The following BACE2 variants were observed in gnomAD, a reference collection of about 807,000 sequenced individuals.
The protein encoded by BACE2 is 56 kDa aspartic-like protease.
Under a neutral mutation model 46.2 loss-of-function variants are expected in BACE2, and 17 were observed. The observed-to-expected ratio is 0.37, with a 90% CI of 0.25 to 0.55. BACE2 has a LOEUF of 0.55. Ranked by LOEUF, BACE2 falls within the 20% of genes least tolerant of loss-of-function variation. The pLI, the probability that BACE2 is intolerant of heterozygous loss-of-function variation, is 0.82. For missense variants in BACE2, 595 were observed against 698.1 expected, an observed-to-expected ratio of 0.85 and a Z score of 1.66; for synonymous variants, 277 against 295.9, an observed-to-expected ratio of 0.94 and a Z score of 0.66.
intron 8 of BACE2, 136 bp from the exon 9 acceptor site, chr21:41,275,235 C>A (rs781764182): frequency 2.4e-6 from 3 of 1,232,314 alleles, no homozygotes; most frequent in Non-Finnish European, 3.4e-6. Context: ...CTCAGTGCTT[C>A]CTGAGCTGTC....
At chr21:41,179,594 T>C (rs753983926) in intron 1 of BACE2, 6 of 1,366,916 alleles carry the variant, frequency 4.4e-6, no homozygotes, top group Non-Finnish European at 5.9e-6. Flanking sequence ...GGTGAGGAGG[T>C]GTTTGCAGTG....
chr21:41,185,040 T>C (rs1985321226), intron 1 of BACE2: 1 of 167,052 alleles, frequency 6.0e-6, no homozygotes. Context: ...TTTGCTCCAA[T>C]AGCTTAAAAG....
chr21:41,247,083 G>C (rs1156476698), intron 6 of BACE2, among the ~76,000 whole-genome samples: 1 of 152,180 alleles, frequency 6.6e-6, no homozygotes, highest in Non-Finnish European at 1.5e-5. Context: ...GCCCTGGCGT[G>C]GGGCTGATTG....
At chr21:41,188,236 A>T (rs1985446329) in intron 1 of BACE2, among the ~76,000 whole-genome samples, 1 of 152,116 alleles carries the variant, frequency 6.6e-6, no homozygotes, top group Non-Finnish European at 1.5e-5. Context: ...CTTCCCCTCC[A>T]TGTCAGAGCT....
chr21:41,169,207 G>A (rs1025115813), intron 1 of BACE2, among the ~76,000 whole-genome samples: 4 of 151,936 alleles, frequency 2.6e-5, no homozygotes, highest in Non-Finnish European at 5.9e-5. Context: ...CTGTGTCCTC[G>A]CTCATCCGGC....
At chr21:41,199,182 A>G (rs569931014) in intron 1 of BACE2, among the ~76,000 whole-genome samples, 1 of 151,626 alleles carries the variant, frequency 6.6e-6, no homozygotes, top group East Asian at 2.0e-4. Context: ...TTCTTTTTTA[A>G]CAGGAACCCT....
chr21:41,271,867 A>G (rs762832839), intron 8 of BACE2, among the ~76,000 whole-genome samples: 2 of 152,138 alleles, frequency 1.3e-5, no homozygotes, highest in Non-Finnish European at 2.9e-5. Context: ...ATCTTTGTAA[A>G]TATTTAAAAT....
At chr21:41,202,807 C>T (rs995358273) in intron 1 of BACE2, among the ~76,000 whole-genome samples, 2 of 152,044 alleles carry the variant, frequency 1.3e-5, no homozygotes, top group African/African-American at 4.8e-5. Context: ...TACATGGGGA[C>T]CTGGTTAAAC....
intron 8 of BACE2, among the ~76,000 whole-genome samples, chr21:41,258,411 A>G (rs148832717): frequency 1.3e-5 from 2 of 152,216 alleles, no homozygotes; most frequent in African/African-American, 4.8e-5. Context: ...GGAAGCCTCA[A>G]CTCAGACCTT....
chr21:41,258,827 C>T (rs1987855859), intron 8 of BACE2, among the ~76,000 whole-genome samples: 1 of 152,106 alleles, frequency 6.6e-6, no homozygotes, highest in Non-Finnish European at 1.5e-5. Flanking sequence ...TTCCCATTGT[C>T]ATGTTTTTTA....
At chr21:41,196,934 A>G (rs1350859351) in intron 1 of BACE2, among the ~76,000 whole-genome samples, 1 of 151,960 alleles carries the variant, frequency 6.6e-6, no homozygotes, top group Non-Finnish European at 1.5e-5. Flanking sequence ...AGGATTTTGT[A>G]TGGCATCAGT....
At chr21:41,200,492 T>C (rs1176380914) in intron 1 of BACE2, among the ~76,000 whole-genome samples, 1 of 152,166 alleles carries the variant, frequency 6.6e-6, no homozygotes, top group Non-Finnish European at 1.5e-5. Flanking sequence ...GGTCTTGGAT[T>C]GTAACCCCAT....
At chr21:41,261,838 A>G (rs1568891814) in intron 8 of BACE2, among the ~76,000 whole-genome samples, 1 of 152,136 alleles carries the variant, frequency 6.6e-6, no homozygotes. Flanking sequence ...AGAAAAGACT[A>G]AAAATAATAC....
In BACE2 at chr21:41,275,498, C is replaced by G; in HGVS notation, c.1431C>G (p.Ser477Arg). ...GGATTGTGTCCTATGCGCTCATGAG[C>G]GTCTGTGGAGCCATCCTCCTTGTCT... ...ILWIVSYALM[S>R]VCGAILLVLI... Residue 477 changes from serine (S) to arginine (R), a missense_variant, in exon 9 of 9, where the codon AGC becomes AGG. Physicochemically the swap from Ser to Arg is moderately radical, Grantham distance 110 (BLOSUM62 -1). Around this residue, in one of 3 missense-constraint regions of BACE2, gnomAD observed 343 missense variants for 419.4 expected, o/e 0.82. Coordinates refer to ENST00000330333, the MANE Select transcript of BACE2 (RefSeq NM_012105.5). 1.2e-6 allele frequency: 2 copies of G among 1,614,072 alleles called. No individual in the cohort carries two copies. Among genetic ancestry groups the G allele is most frequent in the Non-Finnish European group, 1.7e-6 (2 of 1,180,006 alleles).
intron 1 of BACE2, among the ~76,000 whole-genome samples, chr21:41,221,480 C>T (rs999206244): frequency 2.0e-5 from 3 of 152,188 alleles, no homozygotes; most frequent in South Asian, 2.1e-4. Context: ...AAGGGCAAAA[C>T]GAGTGTCTTT....
intron 1 of BACE2, among the ~76,000 whole-genome samples, chr21:41,213,143 CAA>C (rs1271942881): frequency 6.6e-6 from 1 of 151,968 alleles, no homozygotes; most frequent in African/African-American, 2.4e-5. Flanking sequence ...TGGGGACCAT[CAA>C]AAAGAGACTA....
chr21:41,252,184 C>T (rs1255811402), intron 7 of BACE2, among the ~76,000 whole-genome samples: 2 of 152,166 alleles, frequency 1.3e-5, no homozygotes, highest in Non-Finnish European at 2.9e-5. Context: ...GCTCAGGGCT[C>T]GCTCCTGGCA....
chr21:41,228,693 T>C (rs913736479), intron 2 of BACE2, among the ~76,000 whole-genome samples: 4 of 152,186 alleles, frequency 2.6e-5, no homozygotes, highest in African/African-American at 4.8e-5. Flanking sequence ...CCGACCTCAC[T>C]ACGCAAACAC....
chr21:41,266,464 A>G (rs1164807428), intron 8 of BACE2, among the ~76,000 whole-genome samples: 3 of 152,200 alleles, frequency 2.0e-5, no homozygotes, highest in Non-Finnish European at 4.4e-5. Flanking sequence ...CTGTAAAGCA[A>G]TTTTGCATAT....
Sources: allele counts gnomAD v4.1 joint callset (sites outside exome capture counted in the v4.1 genomes callset), GRCh38; gene constraint gnomAD v4.1.1; regional missense constraint gnomAD v4.1.1; transcripts MANE v1.5; gene names NCBI Gene and HGNC (gene_info 2026-07-23, HGNC 2026-07-21).